SETBP1: variants seen among roughly 807,000 people sequenced by gnomAD.
The protein encoded by SETBP1 is SET-binding protein.
A neutral mutation model predicts 101.0 loss-of-function variants in SETBP1; 9 were observed. That is an observed-to-expected ratio of 0.09 (90% CI 0.05 to 0.16). The LOEUF (loss-of-function observed/expected upper bound fraction) is 0.16, where lower values mean the gene tolerates loss of function less well. SETBP1 is among the 10% of genes least tolerant of loss of function. The pLI is 1.00. For missense variants in SETBP1, 1,858 were observed against 2,033.8 expected, an observed-to-expected ratio of 0.91 and a Z score of 1.66; for synonymous variants, 818 against 788.5, an observed-to-expected ratio of 1.04 and a Z score of -0.63.
At chr18:44,771,657 T>A (rs1318425665) in intron 2 of SETBP1, among the ~76,000 whole-genome samples, 1 of 152,080 alleles carries the variant, frequency 6.6e-6, no homozygotes, top group South Asian at 2.1e-4. Context: ...CGGGCCTCCC[T>A]TGGGCTCAGA....
chr18:44,864,142 C>G (rs2069078779), intron 2 of SETBP1, among the ~76,000 whole-genome samples: 1 of 152,128 alleles, frequency 6.6e-6, no homozygotes, highest in Non-Finnish European at 1.5e-5. Context: ...CTCCTCCCCT[C>G]CTGTGTGAAG....
intron 3 of SETBP1, chr18:44,876,985 A>G (rs1382118767): frequency 8.1e-7 from 1 of 1,227,790 alleles, no homozygotes; most frequent in East Asian, 3.4e-5. Context: ...TGCAGCATTC[A>G]CTGTCTTCCA....
intron 2 of SETBP1, among the ~76,000 whole-genome samples, chr18:44,757,673 C>T (rs182267833): frequency 1.8e-4 from 28 of 152,064 alleles, no homozygotes; most frequent in East Asian, 1.2e-3. Context: ...ACAAATCTGA[C>T]GGAAATATTT....
intron 2 of SETBP1, among the ~76,000 whole-genome samples, chr18:44,808,310 T>G (rs2071790828): frequency 6.6e-6 from 1 of 152,174 alleles, no homozygotes; most frequent in Admixed American, 6.5e-5. Context: ...TTTGTTTGCC[T>G]CTCCACTAGC....
intron 2 of SETBP1, among the ~76,000 whole-genome samples, chr18:44,769,595 T>C (rs2070830916): frequency 6.6e-6 from 1 of 152,228 alleles, no homozygotes; most frequent in Non-Finnish European, 1.5e-5. Flanking sequence ...CAGAAGTGAG[T>C]ATTGAGTGTG....
At chr18:44,803,650 C>T (rs2071659385) in intron 2 of SETBP1, among the ~76,000 whole-genome samples, 1 of 152,122 alleles carries the variant, frequency 6.6e-6, no homozygotes, top group South Asian at 2.1e-4. Context: ...AGGAGTTGGG[C>T]ATCTTTAAAC....
chr18:44,978,623 AG>A (rs1164568016), intron 4 of SETBP1, among the ~76,000 whole-genome samples: 1 of 152,206 alleles, frequency 6.6e-6, no homozygotes, highest in East Asian at 1.9e-4. Flanking sequence ...ATTTCAAATG[AG>A]GGCTCTTACT....
chr18:45,018,835 T>C (rs138589009), intron 4 of SETBP1, among the ~76,000 whole-genome samples: 2 of 152,200 alleles, frequency 1.3e-5, no homozygotes, highest in Non-Finnish European at 2.9e-5. Context: ...TACGGAGCTA[T>C]GGCATAGGCT....
chr18:44,973,738 GC>G (rs1306958109), intron 4 of SETBP1, among the ~76,000 whole-genome samples: 2 of 152,218 alleles, frequency 1.3e-5, no homozygotes, highest in African/African-American at 4.8e-5. Flanking sequence ...GCAAGAAAAT[GC>G]TGGTAGGGCT....
rs1251128076 is a variant in SETBP1, at chr18:44,854,606, A to T, written c.487-14624A>T. ...ACCCACTCCAATCTTCCCAACGTCA[A>T]CAAAAATCATTCTTCAACTTCTTAG... On this transcript the variant is annotated intron_variant, in intron 2 of 5. Coordinates refer to ENST00000649279, the MANE Select transcript of SETBP1 (RefSeq NM_015559.3). Among the ~76,000 whole-genome samples the T allele has an allele frequency of 2.6e-5, 4 of 152,202 alleles. No individual in the cohort carries two copies. The East Asian group carries it at 7.7e-4, about 29-fold the overall frequency.
chr18:44,857,767 A>G (rs1161829873), intron 2 of SETBP1, among the ~76,000 whole-genome samples: 3 of 152,196 alleles, frequency 2.0e-5, no homozygotes, highest in South Asian at 4.1e-4. Context: ...TGAGTCAAGC[A>G]TACGTGTGAG....
At chr18:44,900,854 T>C (rs538552580) in intron 3 of SETBP1, among the ~76,000 whole-genome samples, 1 of 152,236 alleles carries the variant, frequency 6.6e-6, no homozygotes, top group Non-Finnish European at 1.5e-5. Flanking sequence ...AGGAAATGGG[T>C]TGAGTAATTG....
chr18:44,708,334 T>C (rs1180829563), intron 2 of SETBP1, among the ~76,000 whole-genome samples: 2 of 152,200 alleles, frequency 1.3e-5, no homozygotes, highest in Non-Finnish European at 2.9e-5. Context: ...GAGTATGAGC[T>C]TCTTCCTCCA....
At chr18:44,835,643 T>G (rs1345570158) in intron 2 of SETBP1, among the ~76,000 whole-genome samples, 1 of 152,204 alleles carries the variant, frequency 6.6e-6, no homozygotes, top group African/African-American at 2.4e-5. Context: ...AGTTTAGGGA[T>G]CCACCTTGTC....
chr18:44,832,848 C>T (rs1184665260), intron 2 of SETBP1, among the ~76,000 whole-genome samples: 1 of 152,208 alleles, frequency 6.6e-6, no homozygotes, highest in Non-Finnish European at 1.5e-5. Flanking sequence ...TTCTGCAAGT[C>T]GGGTCTCAGC....
At chr18:44,919,377 C>T (rs1416486016) in intron 3 of SETBP1, among the ~76,000 whole-genome samples, 2 of 147,174 alleles carry the variant, frequency 1.4e-5, no homozygotes, top group African/African-American at 2.5e-5. Context: ...GACAGAGTCT[C>T]ACTCTGTCAC....
intron 4 of SETBP1, chr18:44,987,867 T>A (rs1271461341): frequency 6.6e-6 from 1 of 152,212 alleles, no homozygotes; most frequent in African/African-American, 2.4e-5. Context: ...AATAGATCAA[T>A]CTACAGTTAG....
chr18:44,804,301 G>A (rs970621447), intron 2 of SETBP1, among the ~76,000 whole-genome samples: 1 of 152,126 alleles, frequency 6.6e-6, no homozygotes, highest in African/African-American at 2.4e-5. Flanking sequence ...GCTTAGGCCA[G>A]GCGATTTTGA....
intron 2 of SETBP1, among the ~76,000 whole-genome samples, chr18:44,813,875 T>G (rs558887242): frequency 6.6e-6 from 1 of 152,322 alleles, no homozygotes; most frequent in African/African-American, 2.4e-5. Context: ...TTTTTGTTGT[T>G]AACCCTGGAA....
Sources: gnomAD v4.1 joint callset for allele counts (sites outside exome capture counted in the v4.1 genomes callset) on GRCh38, gnomAD v4.1.1 for gene constraint, MANE v1.5 for transcripts, NCBI Gene and HGNC (gene_info 2026-07-23, HGNC 2026-07-21) for gene names.